PAWR: variants seen among roughly 807,000 people sequenced by gnomAD.
PAWR encodes pro-apoptotic WT1 regulator.
In PAWR, 23 loss-of-function variants were observed where a neutral mutation model predicts 32.0. The ratio of observed to expected loss-of-function variants is 0.72; its 90% confidence interval spans 0.52 to 1.02. The LOEUF is 1.02. Ranked by LOEUF, PAWR falls within the 50% of genes least tolerant of loss-of-function variation. PAWR has a pLI of 0.00. For missense variants in PAWR, 457 were observed against 437.7 expected (o/e 1.04, Z -0.39); for synonymous variants, 226 against 187.1 (o/e 1.21, Z -1.70).
chr12:79,612,804 T>C (rs1436306654), intron 4 of PAWR, among the ~76,000 whole-genome samples: 2 of 152,176 alleles, frequency 1.3e-5, no homozygotes, highest in Admixed American at 6.5e-5. Context: ...GTGAATATCC[T>C]AGACACCTCC....
chr12:79,688,146 C>T (rs1878774011), intron 2 of PAWR, among the ~76,000 whole-genome samples: 1 of 151,550 alleles, frequency 6.6e-6, no homozygotes, highest in African/African-American at 2.4e-5. Context: ...TTACTCAAAG[C>T]AGGGGTATTA....
intron 2 of PAWR, among the ~76,000 whole-genome samples, chr12:79,632,657 T>C (rs961320846): frequency 6.6e-6 from 1 of 151,624 alleles, no homozygotes; most frequent in Non-Finnish European, 1.5e-5. Context: ...GCGTGCAGCA[T>C]ACCATGTGCC....
At position 79,621,259 on chromosome 12, in the gene PAWR, C is replaced by T. The variant is rs773818254; in HGVS notation, c.517-52G>A. 2.0e-5 allele frequency: 26 copies of T among 1,331,452 alleles called. 1 individual carries two copies. The highest frequency in any genetic ancestry group is 7.1e-5 in the East Asian group (3 of 42,386). The allele number at this position is 1,331,452 out of a possible 1,614,324, so 82.5% of individuals were successfully genotyped here. ...TATTTCTACTATTAATAGACTGTTT[C>T]GATAATATGTGAAAATATATTGATA... On this transcript the variant is annotated intron_variant, in intron 2 of 6. Coordinates refer to ENST00000328827, the MANE Select transcript of PAWR (RefSeq NM_002583.4).
intron 2 of PAWR, chr12:79,632,055 C>T (rs556708439): frequency 6.8e-6 from 1 of 147,830 alleles, no homozygotes; most frequent in South Asian, 2.1e-4. Context: ...ATCGCTTGAA[C>T]CCGGGAGGCA....
chr12:79,614,559 T>A (rs1052063534), intron 3 of PAWR, among the ~76,000 whole-genome samples: 2 of 152,174 alleles, frequency 1.3e-5, no homozygotes, highest in Non-Finnish European at 2.9e-5. Flanking sequence ...GGCAGTCATG[T>A]CTCTGTTCAA....
intron 2 of PAWR, among the ~76,000 whole-genome samples, chr12:79,685,843 G>T (rs116845258): frequency 6.6e-6 from 1 of 152,082 alleles, no homozygotes; most frequent in African/African-American, 2.4e-5. Context: ...ATAATGAAAA[G>T]TAGGTTAATT....
intron 2 of PAWR, among the ~76,000 whole-genome samples, chr12:79,645,828 C>T (rs1406716344): frequency 1.3e-5 from 2 of 152,136 alleles, no homozygotes; most frequent in Non-Finnish European, 2.9e-5. Context: ...CCCATTGGGC[C>T]AGCTCACGGT....
chr12:79,603,905 C>A (rs1443731380), intron 4 of PAWR: 1 of 152,058 alleles, frequency 6.6e-6, no homozygotes, highest in Admixed American at 6.6e-5. Flanking sequence ...AAACTCCTGA[C>A]CTCAGGTGAT....
chr12:79,595,569 G>C (rs569978330), intron 5 of PAWR, among the ~76,000 whole-genome samples: 1 of 152,180 alleles, frequency 6.6e-6, no homozygotes, highest in Non-Finnish European at 1.5e-5. Flanking sequence ...ATAATAGGCT[G>C]GGCACAGTGG....
intron 2 of PAWR, among the ~76,000 whole-genome samples, chr12:79,632,379 A>G (rs1356200373): frequency 1.2e-5 from 1 of 84,698 alleles, no homozygotes; most frequent in African/African-American, 7.7e-5. Context: ...TTTTTTTTAG[A>G]CAGGGTCTTG....
In PAWR at chr12:79,636,570, T is replaced by C. The variant is rs1278325164; in HGVS notation, c.517-15363A>G. Among the ~76,000 whole-genome samples the C allele has an allele frequency of 2.6e-5, 4 of 152,162 alleles. No homozygotes were observed. In the East Asian group the frequency reaches 5.8e-4, roughly 22 times the overall value. ...ATAAGTGCTCAAGCCAAAGTTTTGA[T>C]ACTTTGATAGCTTAAATTGTGATCT... On this transcript the variant is annotated intron_variant, in intron 2 of 6. Transcript: ENST00000328827.
chr12:79,689,795 C>T lies in PAWR; in HGVS notation c.450G>A (p.Gln150=). The part of the protein sequence containing the change: ...SGPSARKGKG[Q]IEKRKLREKR... ...TCTCCCGCAGCTTCCTCTTCTCGAT[C>T]TGCCCCTTGCCTTTCCTGGCACTGG... is the stretch of plus-strand genomic sequence containing the variant. The change falls in exon 2 of 7, where the codon CAG becomes CAA. Residue 150 remains glutamine (Q), a synonymous_variant. Transcript: ENST00000328827. 1 of 1,595,700 alleles carries T rather than the reference C, an allele frequency of 6.3e-7. No individual in the cohort carries two copies. The highest frequency in any genetic ancestry group is 1.7e-5 in the Admixed American group (1 of 58,168).
chr12:79,647,669 T>C (rs1010149351), intron 2 of PAWR, among the ~76,000 whole-genome samples: 6 of 152,212 alleles, frequency 3.9e-5, no homozygotes, highest in African/African-American at 1.4e-4. Context: ...TCTTTATGCA[T>C]ATCTGCCTTT....
At chr12:79,596,763 A>C in intron 4 of PAWR, 105 bp from the exon 5 acceptor site, 2 of 657,220 alleles carry the variant, frequency 3.0e-6, no homozygotes, top group Non-Finnish European at 5.0e-6. Flanking sequence ...CCAAGGACAT[A>C]TGGTTATAGT....
intron 2 of PAWR, among the ~76,000 whole-genome samples, chr12:79,622,086 A>G (rs1166510349): frequency 6.6e-6 from 1 of 152,174 alleles, no homozygotes; most frequent in African/African-American, 2.4e-5. Context: ...TGATCACAGC[A>G]AAGTATAACA....
chr12:79,603,006 C>A (rs1400188874), intron 4 of PAWR, among the ~76,000 whole-genome samples: 1 of 151,892 alleles, frequency 6.6e-6, no homozygotes, highest in Non-Finnish European at 1.5e-5. Flanking sequence ...CTTTGGGGGG[C>A]CAAGGCAGGA....
At chr12:79,658,808 C>A (rs1298849861) in intron 2 of PAWR, among the ~76,000 whole-genome samples, 1 of 151,612 alleles carries the variant, frequency 6.6e-6, no homozygotes. Context: ...GGATTACAGG[C>A]ACCCGCCATG....
intron 4 of PAWR, among the ~76,000 whole-genome samples, chr12:79,606,299 C>G (rs969574190): frequency 1.3e-5 from 2 of 152,070 alleles, no homozygotes; most frequent in Admixed American, 1.3e-4. Flanking sequence ...TGTGAATGCC[C>G]TAAAAATGCT....
chr12:79,666,930 C>A (rs1270956692), intron 2 of PAWR, among the ~76,000 whole-genome samples: 1 of 152,070 alleles, frequency 6.6e-6, no homozygotes, highest in Non-Finnish European at 1.5e-5. Flanking sequence ...TCTTGGGACC[C>A]CAAAATCACT....
Sources: gnomAD v4.1 joint callset for allele counts (sites outside exome capture counted in the v4.1 genomes callset) on GRCh38, gnomAD v4.1.1 for gene constraint, MANE v1.5 for transcripts, NCBI Gene and HGNC (gene_info 2026-07-23, HGNC 2026-07-21) for gene names.